CDR2L: variants seen among roughly 807,000 people sequenced by gnomAD.
The protein encoded by CDR2L is cerebellar degeneration-related protein 2-like.
CDR2L carries 19 observed loss-of-function variants against 36.1 expected under a neutral mutation model. That is an observed-to-expected ratio of 0.53 (90% CI 0.37 to 0.77). CDR2L has a LOEUF of 0.77. CDR2L is among the 30% of genes least tolerant of loss of function. The pLI, the probability that CDR2L is intolerant of heterozygous loss-of-function variation, is 0.00. For synonymous variants in CDR2L, 285 were observed against 280.4 expected, an observed-to-expected ratio of 1.02 and a Z score of -0.16; for missense variants, 575 against 627.2, an observed-to-expected ratio of 0.92 and a Z score of 0.89.
chr17:74,993,466 G>T (rs1032304890), intron 1 of CDR2L, among the ~76,000 whole-genome samples: 1 of 152,016 alleles, frequency 6.6e-6, no homozygotes, highest in Admixed American at 6.6e-5. Context: ...GTAGAGACAG[G>T]GGTCTCACTA....
At chr17:74,997,032 TTTTCTTTCTTTCTTTCTTTCTTTC>T (rs1157949627) in intron 1 of CDR2L, among the ~76,000 whole-genome samples, 1 of 137,512 alleles carries the variant, frequency 7.3e-6, no homozygotes, top group Non-Finnish European at 1.5e-5. Context: ...CTATTCACCC[TTTTCTTTCTTTCTTTCTTTCTTTC>T]TTTCTTTCTT....
At position 75,001,279 on chromosome 17, in the gene CDR2L, T is replaced by C. The variant is rs1049062391; in HGVS notation, c.193-62T>C. The C allele has an allele frequency of 2.4e-5, 35 of 1,431,156 alleles. 1 individual carries two copies. In the Admixed American group the frequency reaches 3.9e-4, roughly 16 times the overall value. The allele number at this position is 1,431,156 out of a possible 1,614,324, so 88.7% of individuals were successfully genotyped here. Reference sequence around the variant, plus strand: ...AGACAAAAAAAGAAGTAGGAGGGTCTAGGCAGAGACATTTGCCCCTGCCCA... The same window carrying C: ...AGACAAAAAAAGAAGTAGGAGGGTCCAGGCAGAGACATTTGCCCCTGCCCA... On this transcript the variant is annotated intron_variant, in intron 2 of 4. Coordinates refer to ENST00000337231, the MANE Select transcript of CDR2L (RefSeq NM_014603.3).
At chr17:74,993,429 C>T (rs2039808200) in intron 1 of CDR2L, among the ~76,000 whole-genome samples, 1 of 152,164 alleles carries the variant, frequency 6.6e-6, no homozygotes, top group South Asian at 2.1e-4. Context: ...AGGTAAGCAC[C>T]AGCACGCCCA....
At chr17:74,998,063 A>T (rs574914261) in intron 1 of CDR2L, among the ~76,000 whole-genome samples, 5 of 151,410 alleles carry the variant, frequency 3.3e-5, no homozygotes, top group South Asian at 2.1e-4. Flanking sequence ...TACTAAAAAT[A>T]AAAAAAAATT....
chr17:75,002,197 C>T lies in CDR2L; in HGVS notation c.475C>T (p.Pro159Ser), dbSNP rs755640000. The change falls in exon 4 of 5, where the codon CCC becomes TCC. Residue 159 changes from proline to serine, a missense_variant. Coordinates refer to ENST00000337231, the MANE Select transcript of CDR2L (RefSeq NM_014603.3). The surrounding 1 kb of genome is among the most constrained non-coding windows in gnomAD (Gnocchi z 4.1). The stretch of plus-strand genomic sequence containing the variant: ...ACGCAGGCGTACCATCCACACCTTC[C>T]CCTGCCTCAAGGAGCTGTGCACCAG... ...RERRRTIHTF[P>S]CLKELCTSPR... 1.9e-6 allele frequency: 3 copies of T among 1,610,218 alleles called. No individual in the cohort carries two copies. The South Asian group carries it at 3.3e-5, about 18-fold the overall frequency.
chr17:74,999,288 GCACACA>G (rs113287746), intron 1 of CDR2L, among the ~76,000 whole-genome samples: 46 of 144,928 alleles, frequency 3.2e-4, no homozygotes, highest in East Asian at 1.3e-3. Context: ...ATTACATCTT[GCACACA>G]CACACACACA....
intron 1 of CDR2L, among the ~76,000 whole-genome samples, 190 bp from the exon 2 acceptor site, chr17:74,999,314 A>G (rs1020781492): frequency 3.4e-5 from 5 of 146,744 alleles, no homozygotes; most frequent in Non-Finnish European, 7.4e-5. Flanking sequence ...ACACACACAC[A>G]CAGACACACA....
rs1281726300 is a variant in CDR2L, at chr17:74,987,633, A to G, written c.-411A>G. 2 of 153,438 alleles carry G rather than the reference A, an allele frequency of 1.3e-5. No homozygotes were observed. The highest frequency in any genetic ancestry group is 4.8e-5 in the African/African-American group (2 of 41,484). The allele number at this position is 153,438 out of a possible 1,614,324, so 9.5% of individuals were successfully genotyped here. ...CGCAAGCTGCAGGCGGGCTCCGCCA[A>G]GATGCAGCGGCGGCTCCGGTTGTCG... On this transcript the variant is annotated 5_prime_UTR_variant, in exon 1 of 5. Transcript: ENST00000337231.
At chr17:74,996,857 C>A (rs1379791664) in intron 1 of CDR2L, among the ~76,000 whole-genome samples, 2 of 152,230 alleles carry the variant, frequency 1.3e-5, no homozygotes, top group African/African-American at 2.4e-5. Context: ...TACCTGAATT[C>A]TCCCCCTAGC....
At chr17:74,990,348 T>C (rs1346878359) in intron 1 of CDR2L, among the ~76,000 whole-genome samples, 2 of 152,018 alleles carry the variant, frequency 1.3e-5, no homozygotes, top group East Asian at 3.9e-4. Context: ...AAAGCAGAAA[T>C]GAGACAGAAT....
Position 75,003,829 on chromosome 17 carries a change from G to A in CDR2L, c.1153G>A (p.Gly385Ser), listed in dbSNP as rs766628578. The change falls in exon 5 of 5, where the codon GGC (glycine) becomes AGC (serine). Residue 385 changes from glycine to serine, a missense_variant. Coordinates refer to ENST00000337231, the MANE Select transcript of CDR2L (RefSeq NM_014603.3). ...RQHGAGVRHA[G>S]VQTSRPISRD... ...GCACGGGGCCGGAGTGCGGCACGCC[G>A]GCGTGCAGACCTCGCGCCCCATCTC... 16 of 1,563,150 alleles carry A rather than the reference G, an allele frequency of 1.0e-5. No homozygotes were observed. In the East Asian group the frequency reaches 2.4e-4, roughly 23 times the overall value.
chr17:74,993,430 A>G (rs1008058451), intron 1 of CDR2L, among the ~76,000 whole-genome samples: 1 of 152,192 alleles, frequency 6.6e-6, no homozygotes, highest in Non-Finnish European at 1.5e-5. Flanking sequence ...GGTAAGCACC[A>G]GCACGCCCAG....
chr17:74,999,700 C>A, intron 2 of CDR2L, 84 bp downstream of exon 2: 1 of 774,646 alleles, frequency 1.3e-6, no homozygotes, highest in Non-Finnish European at 2.1e-6. Flanking sequence ...AATAAGGTGC[C>A]AGCTTATCGG....
At chr17:74,988,268 G>C (rs763287310) in intron 1 of CDR2L, 146 bp downstream of exon 1, 20 of 518,046 alleles carry the variant, frequency 3.9e-5, no homozygotes, top group Non-Finnish European at 5.3e-5. Flanking sequence ...CTGGAGAACC[G>C]GGACGTGGAG....
Position 74,987,939 on chromosome 17 carries a change from G to A in CDR2L, c.-105G>A. ...GCGCGGCGCGGGCTCTGTAGCCCGAGTTCCCGACGCTGGAGGCCCGGCCCG... is the reference window on the plus strand; with the variant it reads ...GCGCGGCGCGGGCTCTGTAGCCCGAATTCCCGACGCTGGAGGCCCGGCCCG... On this transcript the variant is annotated 5_prime_UTR_variant, in exon 1 of 5. Transcript: ENST00000337231. The A allele has an allele frequency of 2.0e-6, 1 of 508,890 alleles. No individual in the cohort carries two copies. 31.5% of individuals were successfully genotyped at this position (508,890 alleles called of 1,614,324 possible).
rs770376578 is a variant in CDR2L, at chr17:75,001,499, C to T, written c.341+10C>T. The stretch of plus-strand genomic sequence containing the variant: ...AGCAGAAGATCCATGGGTGAGGGCC[C>T]GGCTGAGGGCTGGGGGGCGGGCGAG... On this transcript the variant is annotated intron_variant, in intron 3 of 4. Transcript: ENST00000337231. The T allele has an allele frequency of 5.2e-5, 79 of 1,533,550 alleles. No individual in the cohort carries two copies. Among genetic ancestry groups the T allele is most frequent in the Non-Finnish European group, 6.1e-5 (70 of 1,142,262 alleles). The allele number at this position is 1,533,550 out of a possible 1,614,324, so 95.0% of individuals were successfully genotyped here. A position where few individuals can be genotyped will look rare whatever the true frequency, so the allele number is the denominator to read the frequency against.
intron 1 of CDR2L, among the ~76,000 whole-genome samples, chr17:74,991,160 T>C (rs555304428): frequency 1.6e-4 from 25 of 152,306 alleles, no homozygotes; most frequent in Non-Finnish European, 3.1e-4. Flanking sequence ...CCCAGCACTT[T>C]GGGAGGCCAA....
rs1395349055 is a variant in CDR2L at position 75,002,804 on chromosome 17, G to C, written c.507-379G>C. 6.6e-6 allele frequency among the ~76,000 whole-genome samples: 1 copy of C among 152,176 alleles called. No homozygotes were observed. The highest frequency in any genetic ancestry group is 1.5e-5 in the Non-Finnish European group (1 of 68,030). ...ACCAGCCCTAGGCCTCAAAGCGCAA[G>C]GGGGAAGGGAGGTTACCGGCACCTG... On this transcript the variant is annotated intron_variant, in intron 4 of 4. Transcript: ENST00000337231. The surrounding 1 kb of genome is among the most constrained non-coding windows in gnomAD (Gnocchi z 4.1).
intron 1 of CDR2L, 29 bp downstream of exon 1, chr17:74,988,151 G>A: frequency 6.9e-7 from 1 of 1,452,420 alleles, no homozygotes. Context: ...GGGACAGGAA[G>A]GCGGGGAGCG....
Sources: gnomAD v4.1 joint callset for allele counts (sites outside exome capture counted in the v4.1 genomes callset) on GRCh38, gnomAD v4.1.1 for gene constraint, Gnocchi (gnomAD v3.1) non-coding constraint, MANE v1.5 for transcripts, NCBI Gene and HGNC (gene_info 2026-07-23, HGNC 2026-07-21) for gene names.